Variants in SAMD4A observed in about 807,000 individuals in gnomAD.
SAMD4A encodes protein Smaug homolog 1.
A neutral mutation model predicts 81.3 loss-of-function variants in SAMD4A; 33 were observed. The ratio of observed to expected loss-of-function variants is 0.41; its 90% confidence interval spans 0.31 to 0.54. The LOEUF is 0.54. Ranked by LOEUF, SAMD4A falls within the 20% of genes least tolerant of loss-of-function variation. The pLI is 0.37. For synonymous variants in SAMD4A, 389 were observed against 382.1 expected (o/e 1.02, Z -0.21); for missense variants, 854 against 951.1 (o/e 0.90, Z 1.34).
At chr14:54,601,661 G>A (rs1240262474) in intron 2 of SAMD4A, among the ~76,000 whole-genome samples, 3 of 152,200 alleles carry the variant, frequency 2.0e-5, no homozygotes, top group Admixed American at 2.0e-4. Flanking sequence ...AGTGGAATTT[G>A]TTGCGGTTAA....
Position 54,642,818 on chromosome 14 carries a change from C to T in SAMD4A, c.197-59244C>T, listed in dbSNP as rs576182688. Reference sequence around the variant, plus strand: ...TAACCCAACCTGCAGACCCTGCATGCGTGAACATGGTGTGATCAGCCTGTG... The same window carrying T: ...TAACCCAACCTGCAGACCCTGCATGTGTGAACATGGTGTGATCAGCCTGTG... On this transcript the variant is annotated intron_variant, in intron 2 of 12. Coordinates refer to ENST00000554335, the MANE Select transcript of SAMD4A (RefSeq NM_015589.6). Among the ~76,000 whole-genome samples, 43 of 152,296 alleles carry T rather than the reference C, an allele frequency of 2.8e-4. 1 individual carries two copies. The highest frequency in any genetic ancestry group is 7.5e-4 in the African/African-American group (31 of 41,562).
intron 2 of SAMD4A, among the ~76,000 whole-genome samples, chr14:54,599,584 C>T (rs1042275707): frequency 6.6e-6 from 1 of 152,208 alleles, no homozygotes; most frequent in Non-Finnish European, 1.5e-5. Flanking sequence ...TCAATTTTGG[C>T]ATGGCTGTTT....
intron 2 of SAMD4A, among the ~76,000 whole-genome samples, chr14:54,672,864 ATGCATCTTCCCACGAAG>A (rs1232373011): frequency 6.6e-6 from 1 of 152,240 alleles, no homozygotes; most frequent in East Asian, 1.9e-4. Flanking sequence ...GAAACCAGCT[ATGCATCTTCCCACGAAG>A]TGACTAAGAG....
At chr14:54,586,802 G>T (rs991061492) in intron 2 of SAMD4A, among the ~76,000 whole-genome samples, 2 of 152,156 alleles carry the variant, frequency 1.3e-5, no homozygotes, top group African/African-American at 4.8e-5. Context: ...TTTTATACCA[G>T]TACCATGCTG....
At chr14:54,723,990 T>TCGGA (rs1228725243) in intron 3 of SAMD4A, among the ~76,000 whole-genome samples, 3,087 of 88,082 alleles carry the variant, frequency 0.035, 48 homozygotes, top group African/African-American at 0.048. Context: ...TCAGCAAATA[T>TCGGA]TGGATGGATG....
At chr14:54,756,229 C>T (rs889453516) in intron 6 of SAMD4A, among the ~76,000 whole-genome samples, 5 of 152,164 alleles carry the variant, frequency 3.3e-5, no homozygotes, top group African/African-American at 1.2e-4. Context: ...CTAAGGTAAT[C>T]AGGAGAGCTG....
At chr14:54,774,272 T>A (rs553723631) in intron 9 of SAMD4A, among the ~76,000 whole-genome samples, 2 of 152,230 alleles carry the variant, frequency 1.3e-5, no homozygotes, top group African/African-American at 4.8e-5. Context: ...ACCTACTTCA[T>A]AGGGTTGTTG....
At chr14:54,585,146 TTTAAAC>T (rs1372979214) in intron 2 of SAMD4A, among the ~76,000 whole-genome samples, 3 of 152,198 alleles carry the variant, frequency 2.0e-5, no homozygotes, top group East Asian at 1.9e-4. Context: ...TAAACTGCCT[TTTAAAC>T]TTAAACTGTC....
intron 12 of SAMD4A, among the ~76,000 whole-genome samples, chr14:54,785,560 G>A (rs764072284): frequency 2.4e-4 from 36 of 152,110 alleles, no homozygotes; most frequent in Non-Finnish European, 4.1e-4. Context: ...GCCGAGAAGC[G>A]ATAGCCCTAT....
At chr14:54,742,771 A>G (rs928369699) in intron 4 of SAMD4A, among the ~76,000 whole-genome samples, 6 of 152,324 alleles carry the variant, frequency 3.9e-5, no homozygotes, top group African/African-American at 1.2e-4. Context: ...CTGATGTATT[A>G]TTTGTGTATA....
At chr14:54,642,994 A>G (rs1231607253) in intron 2 of SAMD4A, among the ~76,000 whole-genome samples, 8 of 152,158 alleles carry the variant, frequency 5.3e-5, no homozygotes, top group Non-Finnish European at 4.4e-5. Flanking sequence ...CCTTTCCCCA[A>G]AGGTCTCAAG....
chr14:54,728,352 G>A (rs2037477582), intron 3 of SAMD4A, among the ~76,000 whole-genome samples: 1 of 152,216 alleles, frequency 6.6e-6, no homozygotes, highest in African/African-American at 2.4e-5. Flanking sequence ...TGATGGTTTA[G>A]AATTTGGTAA....
intron 11 of SAMD4A, among the ~76,000 whole-genome samples, chr14:54,783,102 T>C (rs1321622033): frequency 6.6e-6 from 1 of 151,766 alleles, no homozygotes; most frequent in Admixed American, 6.6e-5. Flanking sequence ...GGACTTTTTT[T>C]CTGCCTCTCC....
chr14:54,591,759 C>T (rs1007200988), intron 2 of SAMD4A, among the ~76,000 whole-genome samples: 12 of 152,056 alleles, frequency 7.9e-5, no homozygotes, highest in African/African-American at 2.7e-4. Flanking sequence ...AAGTTCTTTC[C>T]CTTTTATTTC....
intron 3 of SAMD4A, among the ~76,000 whole-genome samples, chr14:54,710,999 A>G (rs2036976339): frequency 6.6e-6 from 1 of 152,212 alleles, no homozygotes; most frequent in Admixed American, 6.5e-5. Context: ...CCTCTGAATC[A>G]TCCTCAATAT....
At chr14:54,669,935 G>GC (rs573367331) in intron 2 of SAMD4A, among the ~76,000 whole-genome samples, 231 of 151,880 alleles carry the variant, frequency 1.5e-3, no homozygotes, top group African/African-American at 4.9e-3. Flanking sequence ...ATTCCCTTCT[G>GC]CCCCCCCAGC....
intron 2 of SAMD4A, among the ~76,000 whole-genome samples, chr14:54,601,726 A>T (rs1490638260): frequency 2.0e-5 from 3 of 152,196 alleles, no homozygotes; most frequent in Non-Finnish European, 4.4e-5. Context: ...TGGAATTTAT[A>T]AAGTGTGTTT....
At chr14:54,768,151 T>C (rs1413936046) in intron 8 of SAMD4A, among the ~76,000 whole-genome samples, 4 of 152,154 alleles carry the variant, frequency 2.6e-5, no homozygotes, top group African/African-American at 4.8e-5. Context: ...CTCAGTATTA[T>C]AGTTTAGAGA....
At chr14:54,627,217 G>GT (rs1386870967) in intron 2 of SAMD4A, among the ~76,000 whole-genome samples, 2 of 152,118 alleles carry the variant, frequency 1.3e-5, no homozygotes, top group Non-Finnish European at 2.9e-5. Flanking sequence ...GGAAAAAGAG[G>GT]TAAAAAGGAC....
Sources: gnomAD v4.1 joint callset for allele counts (sites outside exome capture counted in the v4.1 genomes callset) on GRCh38, gnomAD v4.1.1 for gene constraint, MANE v1.5 for transcripts, NCBI Gene and HGNC (gene_info 2026-07-23, HGNC 2026-07-21) for gene names.